SEPSECS: variants seen among roughly 807,000 people sequenced by gnomAD.
The protein encoded by SEPSECS is O-phosphoseryl-tRNA(Sec) selenium transferase.
SEPSECS carries 42 observed loss-of-function variants against 52.1 expected under a neutral mutation model. The ratio of observed to expected loss-of-function variants is 0.81; its 90% CI spans 0.63 to 1.04. The LOEUF is 1.04. SEPSECS is among the 50% of genes least tolerant of loss of function. The pLI is 0.00. For missense variants in SEPSECS, 590 were observed against 610.6 expected (o/e 0.97, Z 0.36); for synonymous variants, 216 against 211.4 (o/e 1.02, Z -0.19).
intron 8 of SEPSECS, among the ~76,000 whole-genome samples, chr4:25,133,134 A>G (rs1392195429): frequency 6.6e-6 from 1 of 152,186 alleles, no homozygotes; most frequent in Non-Finnish European, 1.5e-5. Context: ...CTAGCCTAAA[A>G]GAGTTCTCAG....
intron 8 of SEPSECS, among the ~76,000 whole-genome samples, chr4:25,129,210 T>C (rs1728511332): frequency 6.6e-6 from 1 of 152,186 alleles, no homozygotes; most frequent in African/African-American, 2.4e-5. Flanking sequence ...TAATAAATGT[T>C]ACTGCTACAT....
chr4:25,134,320 ATG>A (rs3066762), intron 8 of SEPSECS, among the ~76,000 whole-genome samples: 18,934 of 144,964 alleles, frequency 0.13, 1,590 homozygotes, highest in African/African-American at 0.25. Context: ...ATCTTTAAAA[ATG>A]TGTGTGTGTG....
intron 8 of SEPSECS, among the ~76,000 whole-genome samples, chr4:25,137,437 T>C (rs999482309): frequency 1.3e-5 from 2 of 152,058 alleles, no homozygotes; most frequent in African/African-American, 4.8e-5. Context: ...AAAGAAGACA[T>C]CCATACAACC....
rs147488940 is a variant in SEPSECS at position 25,128,493 on chromosome 4, T to C, written c.1027-1136A>G. 5.4e-3 allele frequency among the ~76,000 whole-genome samples: 826 copies of C among 152,008 alleles called. 7 individuals are homozygous for C. Among genetic ancestry groups the C allele is most frequent in the African/African-American group, 0.019 (778 of 41,472 alleles). On this transcript the variant is annotated intron_variant, in intron 8 of 10. Coordinates refer to ENST00000382103, the MANE Select transcript of SEPSECS (RefSeq NM_016955.4). ...AAAAAAAGGCAACTAAAACTAAAAA[T>C]TGTCCCACTCTGAAAAATAAAATAT...
chr4:25,130,831 C>T (rs545168774), intron 8 of SEPSECS, among the ~76,000 whole-genome samples: 17 of 152,162 alleles, frequency 1.1e-4, no homozygotes, highest in African/African-American at 4.1e-4. Flanking sequence ...AAGCTACTAC[C>T]GAACCTGTAC....
intron 8 of SEPSECS, among the ~76,000 whole-genome samples, chr4:25,131,465 T>C (rs1577604788): frequency 6.6e-6 from 1 of 152,284 alleles, no homozygotes; most frequent in Middle Eastern, 3.4e-3. Context: ...GATGTCCATA[T>C]TGGAGGAAAA....
intron 6 of SEPSECS, among the ~76,000 whole-genome samples, chr4:25,146,384 C>T (rs1416127632): frequency 6.6e-6 from 1 of 152,170 alleles, no homozygotes; most frequent in Non-Finnish European, 1.5e-5. Context: ...CTTCCTCTTC[C>T]TCTTCTTTCT....
intron 1 of SEPSECS, chr4:25,160,055 A>C (rs1712967961): frequency 2.0e-6 from 2 of 985,138 alleles, no homozygotes; most frequent in Non-Finnish European, 2.4e-6. Flanking sequence ...TCCTAACAAC[A>C]CCATTTGGCT....
chr4:25,127,441 T>C (rs771313861), intron 8 of SEPSECS, 84 bp from the exon 9 acceptor site: 2 of 1,002,394 alleles, frequency 2.0e-6, no homozygotes, highest in Non-Finnish European at 3.1e-6. Flanking sequence ...TGGTATGAAG[T>C]CTACATTTTA....
Position 25,156,105 on chromosome 4 carries a change from G to C in SEPSECS, c.479C>G (p.Pro160Arg), listed in dbSNP as rs748370095. The change falls in exon 4 of 11, where the codon CCA becomes CGA. Residue 160 changes from proline to arginine, a missense_variant. By Grantham distance (103) the Pro-to-Arg change is moderately radical. Coordinates refer to ENST00000382103, the MANE Select transcript of SEPSECS (RefSeq NM_016955.4). Reference protein sequence around the residue: ...LCFLTLRHKRPKAKYIIWPRI... With the variant: ...LCFLTLRHKRRKAKYIIWPRI... ...TGGCCATATAATATACTTTGCCTTT[G>C]GTCTTTTGTGTCGTAATGTTAAGAA... The C allele has an allele frequency of 2.7e-5, 43 of 1,613,662 alleles. No homozygotes were observed. Among genetic ancestry groups the C allele is most frequent in the Non-Finnish European group, 3.6e-5 (43 of 1,179,812 alleles).
intron 1 of SEPSECS, 89 bp downstream of exon 1, chr4:25,160,167 C>A: frequency 6.5e-7 from 1 of 1,531,882 alleles, no homozygotes; most frequent in South Asian, 1.2e-5. Context: ...CAGCGAAGAG[C>A]TGCCGGTGAG....
intron 1 of SEPSECS, 29 bp from the exon 2 acceptor site, chr4:25,159,136 T>C (rs765492448): frequency 1.4e-5 from 21 of 1,497,012 alleles, no homozygotes; most frequent in Non-Finnish European, 1.8e-5. Context: ...CTTATGATTA[T>C]ATTTAATAAA....
Position 25,160,283 on chromosome 4 carries a change from C to T in SEPSECS, c.87G>A (p.Glu29=), listed in dbSNP as rs1470212333. Residue 29 remains glutamate (E), a synonymous_variant, in exon 1 of 11, where the codon GAG becomes GAA. Transcript: ENST00000382103. ...RQGCEARRSH[E]HLIRLLLEKG... is the part of the protein sequence containing the mutation. ...TCTCCAGAAGCAGCCGTATGAGGTGCTCATGCGAGCGGCGGGCCTCACAGC... is the reference window on the plus strand; with the variant it reads ...TCTCCAGAAGCAGCCGTATGAGGTGTTCATGCGAGCGGCGGGCCTCACAGC... 3 of 1,555,674 alleles carry T rather than the reference C, an allele frequency of 1.9e-6. No homozygotes were observed. The highest frequency in any genetic ancestry group is 2.7e-5 in the African/African-American group (2 of 73,404).
intron 8 of SEPSECS, among the ~76,000 whole-genome samples, chr4:25,139,919 C>T (rs140840431): frequency 1.3e-5 from 2 of 152,312 alleles, no homozygotes; most frequent in East Asian, 1.9e-4. Flanking sequence ...GAATTTACTG[C>T]TTCATCTCAC....
At position 25,123,697 on chromosome 4, in the gene SEPSECS, T is replaced by C; in HGVS notation, c.*234A>G. The C allele has an allele frequency of 1.9e-6, 1 of 521,622 alleles. No individual in the cohort carries two copies. The highest frequency in any genetic ancestry group is 3.4e-6 in the Non-Finnish European group (1 of 290,708). 32.3% of individuals were successfully genotyped at this position (521,622 alleles called of 1,614,324 possible). On this transcript the variant is annotated 3_prime_UTR_variant, in exon 11 of 11. Transcript: ENST00000382103. ...GCTTAATTGACAGATATTCTAACAA[T>C]TAGAAAAATGCTAATTGTATATTAT...
intron 8 of SEPSECS, among the ~76,000 whole-genome samples, chr4:25,131,975 T>C (rs1728626622): frequency 6.6e-6 from 1 of 152,210 alleles, no homozygotes; most frequent in Admixed American, 6.5e-5. Flanking sequence ...AGATACAGTC[T>C]TACATTTTCA....
At chr4:25,143,796 C>T (rs543253361) in intron 8 of SEPSECS, among the ~76,000 whole-genome samples, 3 of 152,156 alleles carry the variant, frequency 2.0e-5, no homozygotes, top group Non-Finnish European at 4.4e-5. Context: ...ATATAAAGTA[C>T]TATTATAAAT....
intron 8 of SEPSECS, among the ~76,000 whole-genome samples, chr4:25,143,323 T>C (rs892857736): frequency 6.6e-6 from 1 of 152,168 alleles, no homozygotes; most frequent in African/African-American, 2.4e-5. Flanking sequence ...ATGAAACGTT[T>C]CATCACCCTA....
At chr4:25,149,580 T>C (rs1439356882) in intron 6 of SEPSECS, among the ~76,000 whole-genome samples, 1 of 152,170 alleles carries the variant, frequency 6.6e-6, no homozygotes, top group Admixed American at 6.5e-5. Context: ...GTTAAGGGTA[T>C]TTGTTAGGGT....
Sources: gnomAD v4.1 joint callset for allele counts (sites outside exome capture counted in the v4.1 genomes callset) on GRCh38, gnomAD v4.1.1 for gene constraint, MANE v1.5 for transcripts, NCBI Gene and HGNC (gene_info 2026-07-23, HGNC 2026-07-21) for gene names.